Variants in EPHA7 observed in about 807,000 individuals in gnomAD.
The protein encoded by EPHA7 is ephrin type-A receptor 7.
EPHA7 carries 25 observed loss-of-function variants against 112.6 expected under a neutral mutation model. The observed-to-expected ratio is 0.22, with a 90% CI of 0.16 to 0.31. The LOEUF is 0.31. Among genes scored for constraint, EPHA7 ranks in the 10% least tolerant of loss-of-function variants. The probability of loss-of-function intolerance (pLI) is 1.00; values close to 1 mark genes in which losing one functional copy is unlikely to be tolerated. For synonymous variants in EPHA7, 437 were observed against 406.5 expected, an observed-to-expected ratio of 1.07 and a Z score of -0.90; for missense variants, 962 against 1,212.6, an observed-to-expected ratio of 0.79 and a Z score of 3.07.
At chr6:93,416,599 G>A (rs1252853320) in intron 1 of EPHA7, among the ~76,000 whole-genome samples, 1 of 152,190 alleles carries the variant, frequency 6.6e-6, no homozygotes, top group Non-Finnish European at 1.5e-5. Context: ...AGTGATCCGT[G>A]CGTCTCTCTT....
intron 14 of EPHA7, among the ~76,000 whole-genome samples, chr6:93,250,514 G>A (rs994102389): frequency 2.0e-5 from 3 of 152,112 alleles, no homozygotes; most frequent in Admixed American, 2.0e-4. Flanking sequence ...GAGAGGGCCA[G>A]TCAGTATCAG....
Position 93,295,179 on chromosome 6 carries a change from T to C in EPHA7, c.1325-22757A>G, listed in dbSNP as rs9452292. 7.5e-3 allele frequency among the ~76,000 whole-genome samples: 1,140 copies of C among 152,110 alleles called. 19 individuals are homozygous for C. The highest frequency in any genetic ancestry group is 0.026 in the African/African-American group (1,096 of 41,526). On this transcript the variant is annotated intron_variant, in intron 5 of 16. Transcript: ENST00000369303. ...GTACACTAGAATTTCAGTAGTGAGATAATTTTCAGTTTGATAAATATTGCT... is the reference window on the plus strand; with the variant it reads ...GTACACTAGAATTTCAGTAGTGAGACAATTTTCAGTTTGATAAATATTGCT...
chr6:93,310,538 G>A (rs7745431), intron 5 of EPHA7, among the ~76,000 whole-genome samples: 41,813 of 151,652 alleles, frequency 0.28, 5,928 homozygotes, highest in East Asian at 0.49. Flanking sequence ...GGTGGCGGGC[G>A]CCTGTAATCC....
chr6:93,300,313 T>C (rs1185054409), intron 5 of EPHA7, among the ~76,000 whole-genome samples: 1 of 152,156 alleles, frequency 6.6e-6, no homozygotes, highest in African/African-American at 2.4e-5. Context: ...AACATGCTGA[T>C]GACTTTGTTG....
intron 16 of EPHA7, 54 bp downstream of exon 16, chr6:93,245,244 G>A: frequency 6.7e-7 from 1 of 1,484,926 alleles, no homozygotes; most frequent in Non-Finnish European, 9.2e-7. Flanking sequence ...AATGTATAAA[G>A]TGTAGATTGT....
intron 9 of EPHA7, 95 bp downstream of exon 9, chr6:93,263,765 G>A: frequency 4.6e-6 from 4 of 862,348 alleles, no homozygotes; most frequent in South Asian, 1.7e-5. Context: ...ATAATTTCAA[G>A]CATGATGCAT....
At chr6:93,316,010 C>T (rs757053413) in intron 5 of EPHA7, among the ~76,000 whole-genome samples, 2 of 152,074 alleles carry the variant, frequency 1.3e-5, no homozygotes, top group Admixed American at 6.6e-5. Flanking sequence ...AAAGAAATGG[C>T]TCAGCTAAGC....
chr6:93,259,686 A>G (rs577807269), intron 9 of EPHA7, among the ~76,000 whole-genome samples: 2 of 152,138 alleles, frequency 1.3e-5, no homozygotes, highest in South Asian at 4.1e-4. Context: ...GATCCAGCTC[A>G]TAGGTTACTA....
At chr6:93,326,852 A>G (rs1413505794) in intron 5 of EPHA7, among the ~76,000 whole-genome samples, 4 of 151,606 alleles carry the variant, frequency 2.6e-5, no homozygotes, top group Non-Finnish European at 4.4e-5. Context: ...GTAACTGAAT[A>G]TAAGAAAGAA....
At chr6:93,251,498 T>C (rs1770209851) in intron 14 of EPHA7, among the ~76,000 whole-genome samples, 1 of 135,258 alleles carries the variant, frequency 7.4e-6, no homozygotes, top group Admixed American at 8.0e-5. Flanking sequence ...AAATACTTTT[T>C]TCTTATGTTA....
chr6:93,253,414 G>A (rs1770301944), intron 14 of EPHA7, among the ~76,000 whole-genome samples: 2 of 151,674 alleles, frequency 1.3e-5, no homozygotes, highest in Admixed American at 1.3e-4. Flanking sequence ...AAAATTTGTA[G>A]GGAAAGTATC....
intron 5 of EPHA7, among the ~76,000 whole-genome samples, chr6:93,335,394 G>T (rs1398601828): frequency 3.3e-5 from 5 of 152,030 alleles, no homozygotes; most frequent in Admixed American, 1.3e-4. Context: ...ACCAAACCTG[G>T]CACAGTAATT....
intron 5 of EPHA7, among the ~76,000 whole-genome samples, chr6:93,305,811 T>TA (rs1043741387): frequency 2.0e-5 from 3 of 151,640 alleles, no homozygotes; most frequent in Non-Finnish European, 3.0e-5. Context: ...CAGAAGAAAA[T>TA]AAAAAAAATT....
At chr6:93,366,282 A>G (rs1776504301) in intron 3 of EPHA7, among the ~76,000 whole-genome samples, 1 of 152,186 alleles carries the variant, frequency 6.6e-6, no homozygotes, top group Admixed American at 6.5e-5. Context: ...CTATGTTCAA[A>G]TACACTCCAC....
intron 3 of EPHA7, among the ~76,000 whole-genome samples, chr6:93,406,864 G>A (rs1348926032): frequency 1.3e-5 from 2 of 151,746 alleles, no homozygotes; most frequent in South Asian, 4.2e-4. Flanking sequence ...AAATATAACA[G>A]GATCTCTCAA....
chr6:93,316,412 A>G (rs925703985), intron 5 of EPHA7, among the ~76,000 whole-genome samples: 108 of 152,264 alleles, frequency 7.1e-4, no homozygotes, highest in African/African-American at 2.5e-3. Context: ...GAAAATATTT[A>G]GGAGTTTTCC....
rs1769765853 is a variant in EPHA7, at chr6:93,243,366, C to T, written c.*60G>A. 1 of 1,283,554 alleles carries T rather than the reference C, an allele frequency of 7.8e-7. No individual in the cohort carries two copies. The highest frequency in any genetic ancestry group is 1.1e-6 in the Non-Finnish European group (1 of 886,290). 79.5% of individuals were successfully genotyped at this position (1,283,554 alleles called of 1,614,324 possible). ...CTTCTAGCAGCATTCTATGCATATA[C>T]TGAAGGCCAGTACTGTTCTCTTGCA... On this transcript the variant is annotated 3_prime_UTR_variant, in exon 17 of 17. Coordinates refer to ENST00000369303, the MANE Select transcript of EPHA7 (RefSeq NM_004440.4).
Position 93,411,098 on chromosome 6 carries a change from G to T in EPHA7, c.235C>A (p.Pro79Thr). 1 of 1,613,696 alleles carries T rather than the reference G, an allele frequency of 6.2e-7. No homozygotes were observed. Among genetic ancestry groups the T allele is most frequent in the Non-Finnish European group, 8.5e-7 (1 of 1,179,918 alleles). The change falls in exon 3 of 17, where the codon CCC becomes ACC. Residue 79 changes from proline to threonine, a missense_variant. Pro to Thr is a conservative substitution (Grantham distance 38). Around this residue, in one of 3 missense-constraint regions of EPHA7, gnomAD observed 160 missense variants for 263.6 expected, o/e 0.61. Coordinates refer to ENST00000369303, the MANE Select transcript of EPHA7 (RefSeq NM_004440.4). ...RTYQVCQVMEPNQNNWLRTNW... is the reference protein window; with the variant it reads ...RTYQVCQVMETNQNNWLRTNW... ...GTCCGCAGCCAGTTGTTTTGGTTGG[G>T]CTCCATGACTTGGCACACCTGGTAT...
intron 5 of EPHA7, among the ~76,000 whole-genome samples, chr6:93,311,896 A>C (rs1190597563): frequency 6.6e-6 from 1 of 152,158 alleles, no homozygotes; most frequent in Non-Finnish European, 1.5e-5. Context: ...AATCTCCTGT[A>C]TCTCCATTGG....
Sources: allele counts gnomAD v4.1 joint callset (sites outside exome capture counted in the v4.1 genomes callset), GRCh38; gene constraint gnomAD v4.1.1; regional missense constraint gnomAD v4.1.1; transcripts MANE v1.5; gene names NCBI Gene and HGNC (gene_info 2026-07-23, HGNC 2026-07-21).